Variants in MTHFD2 observed in about 807,000 individuals in gnomAD.
MTHFD2 encodes bifunctional methylenetetrahydrofolate dehydrogenase/cyclohydrolase, mitochondrial.
In MTHFD2, 26 loss-of-function variants were observed where a neutral mutation model predicts 36.8. That is an observed-to-expected ratio of 0.71 (90% CI 0.52 to 0.98). MTHFD2 has a LOEUF of 0.98. Among genes scored for constraint, MTHFD2 ranks in the 50% least tolerant of loss-of-function variants. The pLI is 0.00. For missense variants in MTHFD2, 373 were observed against 434.0 expected (o/e 0.86, Z 1.25); for synonymous variants, 164 against 155.2 (o/e 1.06, Z -0.42).
At chr2:74,205,574 G>C in intron 1 of MTHFD2, 131 bp from the exon 2 acceptor site, 1 of 927,860 alleles carries the variant, frequency 1.1e-6, no homozygotes, top group Non-Finnish European at 1.6e-6. Flanking sequence ...AAACTCCTGG[G>C]CTCAAGCCAT....
At chr2:74,200,987 G>C (rs1159322570) in intron 1 of MTHFD2, among the ~76,000 whole-genome samples, 1 of 152,056 alleles carries the variant, frequency 6.6e-6, no homozygotes, top group East Asian at 1.9e-4. Context: ...TTTTAGTTTT[G>C]AATTTTATTT....
At chr2:74,199,754 A>G (rs1239501022) in intron 1 of MTHFD2, among the ~76,000 whole-genome samples, 1 of 151,002 alleles carries the variant, frequency 6.6e-6, no homozygotes, top group African/African-American at 2.4e-5. Context: ...TGTTATGTGA[A>G]TTTTACCACA....
At chr2:74,204,906 A>G (rs1315237740) in intron 1 of MTHFD2, among the ~76,000 whole-genome samples, 2 of 151,978 alleles carry the variant, frequency 1.3e-5, no homozygotes, top group African/African-American at 2.4e-5. Context: ...GCTCACCGCA[A>G]CCTCTGCCTC....
Position 74,198,652 on chromosome 2 carries a change from C to A in MTHFD2, c.11C>A (p.Thr4Asn). 1 of 1,609,530 alleles carries A rather than the reference C, an allele frequency of 6.2e-7. No individual in the cohort carries two copies. Among genetic ancestry groups the A allele is most frequent in the Middle Eastern group, 1.7e-4 (1 of 6,040 alleles). ...TCACCGGCGCGGTCTATGGCTGCGA[C>A]TTCTCTAATGTCTGCTTTGGCTGCC... MAA[T>N]SLMSALAARL... Residue 4 changes from threonine to asparagine, a missense_variant, in exon 1 of 8, where the codon ACT becomes AAT. Physicochemically the swap from Thr to Asn is moderately conservative, Grantham distance 65. Transcript: ENST00000394053.
At chr2:74,210,611 A>G (rs186506279) in intron 5 of MTHFD2, among the ~76,000 whole-genome samples, 207 of 152,346 alleles carry the variant, frequency 1.4e-3, no homozygotes, top group African/African-American at 4.7e-3. Context: ...TATTTTGCTT[A>G]GAAAAGGTAA....
At position 74,210,026 on chromosome 2, in the gene MTHFD2, A is replaced by G; in HGVS notation, c.647A>G (p.Asp216Gly). The change falls in exon 5 of 8, where the codon GAT becomes GGT. Residue 216 changes from aspartate (D) to glycine (G), a missense_variant. Around this residue, in one of 2 missense-constraint regions of MTHFD2, gnomAD observed 308 missense variants for 397.8 expected, o/e 0.77. Coordinates refer to ENST00000394053, the MANE Select transcript of MTHFD2 (RefSeq NM_006636.4). ...GMPIAMLLHT[D>G]GAHERPGGDA... ...CCCATTGCAATGTTACTGCACACAGATGGGGCGCATGAACGTCCCGGAGGT... is the reference window on the plus strand; with the variant it reads ...CCCATTGCAATGTTACTGCACACAGGTGGGGCGCATGAACGTCCCGGAGGT... The G allele has an allele frequency of 6.2e-7, 1 of 1,613,538 alleles. No individual in the cohort carries two copies. Among genetic ancestry groups the G allele is most frequent in the Non-Finnish European group, 8.5e-7 (1 of 1,179,692 alleles).
chr2:74,205,911 C>T (rs1369600117), intron 2 of MTHFD2, 22 bp downstream of exon 2: 14 of 1,603,258 alleles, frequency 8.7e-6, no homozygotes, highest in African/African-American at 1.3e-5. Context: ...TCTGAGACCT[C>T]GACTGCGGTT....
chr2:74,201,975 C>T (rs1376661452), intron 1 of MTHFD2, among the ~76,000 whole-genome samples: 1 of 149,474 alleles, frequency 6.7e-6, no homozygotes, highest in African/African-American at 2.5e-5. Flanking sequence ...TTTTTTTAAG[C>T]AAATTGGCAT....
intron 2 of MTHFD2, 99 bp downstream of exon 2, chr2:74,205,988 C>T (rs1694171877): frequency 7.8e-7 from 1 of 1,280,086 alleles, no homozygotes. Context: ...TTAGGAAACC[C>T]AAGCAGAGGA....
intron 7 of MTHFD2, among the ~76,000 whole-genome samples, chr2:74,212,263 C>CTTTTTTT (rs398042480): frequency 2.0e-4 from 7 of 35,694 alleles, no homozygotes; most frequent in East Asian, 9.9e-4. Context: ...GTTTCTTTCT[C>CTTTTTTT]TTTTTTTTTT....
chr2:74,203,896 GTTTAGTTTA>G (rs750347030), intron 1 of MTHFD2, among the ~76,000 whole-genome samples: 3 of 30,312 alleles, frequency 9.9e-5, no homozygotes, highest in Non-Finnish European at 1.8e-4. Context: ...GTTTAGTTTA[GTTTAGTTTA>G]GTTAGTTTAG....
At chr2:74,208,918 G>A (rs1440301049) in intron 4 of MTHFD2, among the ~76,000 whole-genome samples, 197 bp downstream of exon 4, 1 of 151,962 alleles carries the variant, frequency 6.6e-6, no homozygotes, top group Non-Finnish European at 1.5e-5. Flanking sequence ...CTGTCACCCA[G>A]GCTGGAGTGC....
intron 7 of MTHFD2, among the ~76,000 whole-genome samples, chr2:74,212,257 CTTTCTCT>C (rs1694324217): frequency 1.7e-5 from 1 of 57,476 alleles, no homozygotes; most frequent in Non-Finnish European, 3.0e-5. Context: ...TCCTTCGTTT[CTTTCTCT>C]TTTTTTTTTT....
rs1694270159 is a variant in MTHFD2, at chr2:74,210,000, GC to G, written c.624del (p.Ile209LeufsTer32). On this transcript the variant is annotated frameshift_variant, in exon 5 of 8. Transcript: ENST00000394053. LOFTEE classifies it high-confidence loss of function. The part of the protein sequence containing the change: ...VAGRSKNVGM[P>X]IAMLLHTDGA... ...CTGGAAGGTCAAAAAACGTTGGAAT[GC>G]CCATTGCAATGTTACTGCACACAGA... The G allele has an allele frequency of 6.2e-7, 1 of 1,613,826 alleles. No homozygotes were observed. The highest frequency in any genetic ancestry group is 1.7e-5 in the Admixed American group (1 of 60,002).
At position 74,208,935 on chromosome 2, in the gene MTHFD2, G is replaced by A. The variant is rs564758312; in HGVS notation, c.562+214G>A. Among the ~76,000 whole-genome samples the A allele has an allele frequency of 2.8e-3, 422 of 151,892 alleles. 2 individuals are homozygous for A. The highest frequency in any genetic ancestry group is 9.2e-3 in the African/African-American group (381 of 41,392). On this transcript the variant is annotated intron_variant, in intron 4 of 7. Coordinates refer to ENST00000394053, the MANE Select transcript of MTHFD2 (RefSeq NM_006636.4). ...GTCACCCAGGCTGGAGTGCAGTGGC[G>A]CGATCTTGGCTCACTGCAGCCTCTG...
At chr2:74,212,759 T>G (rs1694336202) in intron 7 of MTHFD2, among the ~76,000 whole-genome samples, 1 of 152,170 alleles carries the variant, frequency 6.6e-6, no homozygotes, top group Non-Finnish European at 1.5e-5. Context: ...GATGAAGTGA[T>G]TTTTCTAAAC....
chr2:74,210,041 G>A lies in MTHFD2; in HGVS notation c.662G>A (p.Arg221His), dbSNP rs1260847525. The A allele has an allele frequency of 9.3e-6, 15 of 1,610,756 alleles. No individual in the cohort carries two copies. Among genetic ancestry groups the A allele is most frequent in the Non-Finnish European group, 1.2e-5 (14 of 1,178,618 alleles). ...CTGCACACAGATGGGGCGCATGAAC[G>A]TCCCGGAGGTAAGGAAATTGCTTTC... ...MLLHTDGAHE[R>H]PGGDATVTIS... Residue 221 changes from arginine to histidine, a missense_variant, in exon 5 of 8, where the codon CGT becomes CAT. By Grantham distance (29) the Arg-to-His change is conservative. Around this residue, in one of 2 missense-constraint regions of MTHFD2, gnomAD observed 308 missense variants for 397.8 expected, o/e 0.77. Transcript: ENST00000394053.
chr2:74,210,018 GCA>G lies in MTHFD2; in HGVS notation c.644_645del (p.Thr215ArgfsTer5). On this transcript the variant is annotated frameshift_variant, in exon 5 of 8. Transcript: ENST00000394053. LOFTEE classifies it high-confidence loss of function. ...TTGGAATGCCCATTGCAATGTTACTGCACACAGATGGGGCGCATGAACGTCCC... is the reference window on the plus strand; with the variant it reads ...TTGGAATGCCCATTGCAATGTTACTGCACAGATGGGGCGCATGAACGTCCC... The part of the protein sequence containing the change: ...NVGMPIAMLL[H>X]TDGAHERPGG... 1 of 1,613,592 alleles carries G rather than the reference GCA, an allele frequency of 6.2e-7. No individual in the cohort carries two copies. The highest frequency in any genetic ancestry group is 8.5e-7 in the Non-Finnish European group (1 of 1,179,706).
rs1051590766 is a variant in MTHFD2, at chr2:74,198,615, C to T, written c.-27C>T. 93 of 1,579,176 alleles carry T rather than the reference C, an allele frequency of 5.9e-5. No homozygotes were observed. Among genetic ancestry groups the T allele is most frequent in the Non-Finnish European group, 7.0e-5 (81 of 1,162,824 alleles). On this transcript the variant is annotated 5_prime_UTR_variant, in exon 1 of 8. Transcript: ENST00000394053. ...CCGCGTGGCCCGCGCGCGCGCTTCC[C>T]TCCCGGCGCAGTCACCGGCGCGGTC...
Sources: allele counts gnomAD v4.1 joint callset (sites outside exome capture counted in the v4.1 genomes callset), GRCh38; gene constraint gnomAD v4.1.1; regional missense constraint gnomAD v4.1.1; transcripts MANE v1.5; gene names NCBI Gene and HGNC (gene_info 2026-07-23, HGNC 2026-07-21).